IPCEF1: variants seen among roughly 807,000 people sequenced by gnomAD.
The protein encoded by IPCEF1 is interaction protein for cytohesin exchange factors 1.
IPCEF1 carries 31 observed loss-of-function variants against 50.9 expected under a neutral mutation model. That is an observed-to-expected ratio of 0.61 (90% CI 0.46 to 0.82). The LOEUF (loss-of-function observed/expected upper bound fraction) is 0.82, where lower values mean the gene tolerates loss of function less well. Ranked by LOEUF, IPCEF1 falls within the 40% of genes least tolerant of loss-of-function variation. IPCEF1 has a pLI of 0.00. For missense variants in IPCEF1, 458 were observed against 514.0 expected (o/e 0.89, Z 1.05); for synonymous variants, 181 against 192.0 (o/e 0.94, Z 0.47).
At chr6:154,301,381 T>G (rs1032642899) in intron 1 of IPCEF1, among the ~76,000 whole-genome samples, 5 of 152,084 alleles carry the variant, frequency 3.3e-5, no homozygotes, top group Non-Finnish European at 4.4e-5. Flanking sequence ...GGCACAAGGG[T>G]TGAGGCTATC....
chr6:154,292,337 CACTT>C (rs1165353738), intron 1 of IPCEF1, among the ~76,000 whole-genome samples: 5 of 152,226 alleles, frequency 3.3e-5, no homozygotes, highest in African/African-American at 1.2e-4. Flanking sequence ...TTCTTTCAAT[CACTT>C]AGTAACACTT....
rs368775287 is a variant in IPCEF1 at position 154,270,302 on chromosome 6, G to T, written c.-17-4338C>A. Among the ~76,000 whole-genome samples, 28 of 152,254 alleles carry T rather than the reference G, an allele frequency of 1.8e-4. No individual in the cohort carries two copies. The East Asian group carries it at 4.2e-3, about 23-fold the overall frequency. On this transcript the variant is annotated intron_variant, in intron 2 of 11. Transcript: ENST00000367220. Reference sequence around the variant, plus strand: ...TGTGATAAATCATCATGAGATATTTGGCATATCCTTGGAAGGAGTTCAAAA... The same window carrying T: ...TGTGATAAATCATCATGAGATATTTTGCATATCCTTGGAAGGAGTTCAAAA...
chr6:154,297,229 G>A (rs554818450), intron 1 of IPCEF1, among the ~76,000 whole-genome samples: 4 of 152,094 alleles, frequency 2.6e-5, no homozygotes, highest in Admixed American at 1.3e-4. Flanking sequence ...TTGTAAAGAC[G>A]GGGTTTCACC....
At chr6:154,293,403 A>C (rs1782560755) in intron 1 of IPCEF1, among the ~76,000 whole-genome samples, 2 of 152,218 alleles carry the variant, frequency 1.3e-5, no homozygotes, top group African/African-American at 4.8e-5. Flanking sequence ...AATAGGCTGC[A>C]ATTGTCCACT....
intron 2 of IPCEF1, among the ~76,000 whole-genome samples, chr6:154,269,987 T>C (rs67609299): frequency 0.052 from 7,876 of 152,256 alleles, 277 homozygotes; most frequent in Non-Finnish European, 0.075. Flanking sequence ...GTGAGAAAAA[T>C]AATCCTGGCA....
At chr6:154,261,824 C>T (rs1226474963) in intron 3 of IPCEF1, among the ~76,000 whole-genome samples, 1 of 152,124 alleles carries the variant, frequency 6.6e-6, no homozygotes, top group Non-Finnish European at 1.5e-5. Context: ...TCCCCCTACC[C>T]CCAACAAGAT....
At chr6:154,270,839 G>A (rs372379716) in intron 2 of IPCEF1, among the ~76,000 whole-genome samples, 41 of 152,140 alleles carry the variant, frequency 2.7e-4, no homozygotes, top group African/African-American at 8.2e-4. Context: ...AGCCAGGTGC[G>A]GTGGTGCACA....
intron 9 of IPCEF1, among the ~76,000 whole-genome samples, chr6:154,209,186 GTAT>G (rs1777754186): frequency 6.6e-6 from 1 of 152,094 alleles, no homozygotes; most frequent in African/African-American, 2.4e-5. Context: ...TTCCAAAATA[GTAT>G]TATTTTATAC....
intron 9 of IPCEF1, among the ~76,000 whole-genome samples, chr6:154,209,856 C>T (rs543468456): frequency 2.6e-5 from 4 of 152,052 alleles, no homozygotes; most frequent in African/African-American, 4.8e-5. Context: ...GTTTATCTGA[C>T]GATTTCCAAT....
intron 3 of IPCEF1, among the ~76,000 whole-genome samples, chr6:154,264,461 C>T (rs1227890389): frequency 1.3e-5 from 2 of 152,052 alleles, no homozygotes; most frequent in Non-Finnish European, 2.9e-5. Flanking sequence ...CAACCTCTAC[C>T]TCCCAGATTC....
chr6:154,194,045 C>T (rs985031663), intron 10 of IPCEF1, among the ~76,000 whole-genome samples: 2 of 152,214 alleles, frequency 1.3e-5, no homozygotes, highest in Non-Finnish European at 2.9e-5. Context: ...AGCAGTGGTA[C>T]ACCTAGCGTA....
At position 154,346,681 on chromosome 6, in the gene IPCEF1, C is replaced by A. The variant is rs138750459; in HGVS notation, c.-62+9991G>T. ...AACGGGAAGCAAACATGTCCTTCTTCACATGGCAGCATGAGAGAGAAGTGC... is the reference window on the plus strand; with the variant it reads ...AACGGGAAGCAAACATGTCCTTCTTAACATGGCAGCATGAGAGAGAAGTGC... On this transcript the variant is annotated intron_variant, in intron 1 of 11. Transcript: ENST00000367220. Among the ~76,000 whole-genome samples, 6 of 152,312 alleles carry A rather than the reference C, an allele frequency of 3.9e-5. No homozygotes were observed. The East Asian group carries it at 1.2e-3, about 29-fold the overall frequency.
chr6:154,322,023 G>A (rs1465965153), intron 1 of IPCEF1, among the ~76,000 whole-genome samples: 1 of 151,816 alleles, frequency 6.6e-6, no homozygotes, highest in Non-Finnish European at 1.5e-5. Context: ...ATGACTGTGT[G>A]GTTACCCAAG....
chr6:154,332,441 C>T (rs1390286470), intron 1 of IPCEF1, among the ~76,000 whole-genome samples: 5 of 151,974 alleles, frequency 3.3e-5, no homozygotes, highest in Non-Finnish European at 7.4e-5. Flanking sequence ...CTGGTGAAAA[C>T]CAGTGAATGA....
At chr6:154,242,045 C>T (rs551115834) in intron 5 of IPCEF1, among the ~76,000 whole-genome samples, 2 of 152,256 alleles carry the variant, frequency 1.3e-5, no homozygotes, top group East Asian at 3.9e-4. Flanking sequence ...CAGTAAACTC[C>T]CTTGAAAAAT....
At chr6:154,263,462 G>A (rs1435564980) in intron 3 of IPCEF1, among the ~76,000 whole-genome samples, 4 of 124,880 alleles carry the variant, frequency 3.2e-5, no homozygotes, top group Non-Finnish European at 6.9e-5. Context: ...GGAGCATGCT[G>A]CCTTCAAGCA....
intron 1 of IPCEF1, among the ~76,000 whole-genome samples, chr6:154,343,582 T>G (rs1783963452): frequency 1.3e-5 from 2 of 152,318 alleles, no homozygotes; most frequent in South Asian, 2.1e-4. Flanking sequence ...CTCAGTGGCC[T>G]CAACCTATCA....
chr6:154,356,482 T>C (rs551503046), intron 1 of IPCEF1, among the ~76,000 whole-genome samples, 190 bp downstream of exon 1: 2 of 152,312 alleles, frequency 1.3e-5, no homozygotes, highest in South Asian at 4.1e-4. Context: ...CTTTCAAAGC[T>C]TTCACAGAAT....
chr6:154,215,602 A>G (rs1300351298), intron 7 of IPCEF1, among the ~76,000 whole-genome samples: 1 of 152,096 alleles, frequency 6.6e-6, no homozygotes, highest in Non-Finnish European at 1.5e-5. Flanking sequence ...GCGAAACTCC[A>G]TCTCAAAAAT....
Sources: allele counts gnomAD v4.1 joint callset (sites outside exome capture counted in the v4.1 genomes callset), GRCh38; gene constraint gnomAD v4.1.1; transcripts MANE v1.5; gene names NCBI Gene and HGNC (gene_info 2026-07-23, HGNC 2026-07-21).